JPT1: variants seen among roughly 807,000 people sequenced by gnomAD.
JPT1 encodes Jupiter microtubule associated homolog 1.
A neutral mutation model predicts 17.0 loss-of-function variants in JPT1; 5 were observed. That is an observed-to-expected ratio of 0.29 (90% CI 0.15 to 0.62). The LOEUF is 0.62. Among genes scored for constraint, JPT1 ranks in the 20% least tolerant of loss-of-function variants. The pLI is 0.85. For synonymous variants in JPT1, 71 were observed against 73.6 expected, an observed-to-expected ratio of 0.96 and a Z score of 0.18; for missense variants, 158 against 188.1, an observed-to-expected ratio of 0.84 and a Z score of 0.94.
rs752534871 is a variant in JPT1, at chr17:75,136,289, A to G, written c.317-39T>C. The stretch of plus-strand genomic sequence containing the variant: ...GAATAGAAATAATACTCATAATGAC[A>G]GCCATTTCCTGTTAAGATCAAGGAT... On this transcript the variant is annotated intron_variant, in intron 4 of 4. Transcript: ENST00000409753. The G allele has an allele frequency of 2.0e-6, 3 of 1,505,660 alleles. No homozygotes were observed. The East Asian group carries it at 6.8e-5, about 34-fold the overall frequency. 93.3% of individuals were successfully genotyped at this position (1,505,660 alleles called of 1,614,324 possible).
intron 1 of JPT1, among the ~76,000 whole-genome samples, chr17:75,151,971 A>G (rs2074561615): frequency 6.8e-6 from 1 of 147,160 alleles, no homozygotes; most frequent in African/African-American, 2.5e-5. Flanking sequence ...CTGCGTCTCA[A>G]AAAAAAAAAA....
intron 4 of JPT1, chr17:75,142,675 C>T (rs144765574): frequency 2.3e-5 from 7 of 299,584 alleles, no homozygotes; most frequent in South Asian, 1.1e-4. Flanking sequence ...AGGAAGGGAA[C>T]GGGAAGGGAT....
At chr17:75,154,244 G>C in intron 1 of JPT1, 98 bp downstream of exon 1, 2 of 977,440 alleles carry the variant, frequency 2.0e-6, no homozygotes, top group Non-Finnish European at 2.8e-6. Flanking sequence ...ACAGCGCACG[G>C]GGCTCGTTAC....
intron 4 of JPT1, chr17:75,142,615 G>T: frequency 4.6e-6 from 1 of 218,744 alleles, no homozygotes; most frequent in South Asian, 2.3e-5. Context: ...AAGGGGGAGA[G>T]AGGAGGGGAG....
chr17:75,148,629 A>G lies in JPT1; in HGVS notation c.99T>C (p.Gly33=). The stretch of plus-strand genomic sequence containing the variant: ...CAGGTTGTTCTGTTGGTTCATCAAA[A>G]CCTAATGAAAAATTGGATCCACCAC... ...PPGGGSNFSL[G]FDEPTEQPVR... is the part of the protein sequence containing the mutation. The change falls in exon 2 of 5, where the codon GGT becomes GGC. Residue 33 remains glycine, a synonymous_variant. Coordinates refer to ENST00000409753, the MANE Select transcript of JPT1 (RefSeq NM_016185.4). 1 of 1,614,092 alleles carries G rather than the reference A, an allele frequency of 6.2e-7. No homozygotes were observed.
chr17:75,144,173 A>AT (rs1189545995), intron 4 of JPT1, among the ~76,000 whole-genome samples: 1 of 152,114 alleles, frequency 6.6e-6, no homozygotes, highest in African/African-American at 2.4e-5. Flanking sequence ...GGACCTTTCC[A>AT]TACCAGGCCC....
intron 1 of JPT1, among the ~76,000 whole-genome samples, chr17:75,152,589 A>C (rs1469779474): frequency 6.6e-6 from 1 of 152,220 alleles, no homozygotes; most frequent in East Asian, 1.9e-4. Context: ...CTCACATTTC[A>C]AATGTACACA....
chr17:75,149,246 C>T, intron 1 of JPT1: 1 of 360,730 alleles, frequency 2.8e-6, no homozygotes, highest in Non-Finnish European at 5.5e-6. Flanking sequence ...GTCCCAGCTA[C>T]ACTGGACTCT....
intron 4 of JPT1, among the ~76,000 whole-genome samples, chr17:75,140,069 C>T (rs1251806303): frequency 6.6e-6 from 1 of 152,082 alleles, no homozygotes; most frequent in Non-Finnish European, 1.5e-5. Context: ...AGGCGCGTGC[C>T]ACCACGCCTG....
At chr17:75,147,878 A>C in intron 2 of JPT1, 3 of 470,436 alleles carry the variant, frequency 6.4e-6, no homozygotes, top group Non-Finnish European at 1.2e-5. Context: ...GCATGCTTGT[A>C]ATCCTAGCTA....
At chr17:75,147,931 G>A (rs1165642692) in intron 2 of JPT1, 1 of 379,302 alleles carries the variant, frequency 2.6e-6, no homozygotes, top group African/African-American at 2.0e-5. Flanking sequence ...CTCGGGAGGT[G>A]GAGGTTGTGG....
intron 3 of JPT1, 113 bp from the exon 4 acceptor site, chr17:75,146,797 T>A: frequency 1.4e-6 from 1 of 703,304 alleles, no homozygotes; most frequent in East Asian, 2.7e-5. Flanking sequence ...GACATTTCAT[T>A]GTGTTGCAAT....
intron 4 of JPT1, among the ~76,000 whole-genome samples, chr17:75,140,617 ATCTT>A (rs2145165954): frequency 6.6e-6 from 1 of 152,320 alleles, no homozygotes; most frequent in Admixed American, 6.5e-5. Context: ...AAGGGAATCT[ATCTT>A]ATTTAAACTG....
At chr17:75,138,407 T>A (rs2074248058) in intron 4 of JPT1, 1 of 144,814 alleles carries the variant, frequency 6.9e-6, no homozygotes, top group Admixed American at 7.3e-5. Flanking sequence ...CCTATATTAA[T>A]GGATTTTTTT....
intron 4 of JPT1, among the ~76,000 whole-genome samples, chr17:75,138,811 A>G (rs1318553888): frequency 5.3e-5 from 8 of 152,210 alleles, no homozygotes; most frequent in Non-Finnish European, 1.5e-5. Context: ...TTCTCATTGG[A>G]CAGACATTTA....
rs561721939 is a variant in JPT1, at chr17:75,142,083, T to C, written c.316+4583A>G. Among the ~76,000 whole-genome samples, 6 of 151,850 alleles carry C rather than the reference T, an allele frequency of 4.0e-5. No individual in the cohort carries two copies. In the South Asian group the frequency reaches 1.0e-3, roughly 26 times the overall value. On this transcript the variant is annotated intron_variant, in intron 4 of 4. Transcript: ENST00000409753. ...GGCTCTGTCTCGAAAAAACAAAAAC[T>C]GTGAAGGGGACTGAAAAGGGAACAG...
chr17:75,147,484 T>G (rs1441658251), intron 3 of JPT1, 72 bp downstream of exon 3: 2 of 1,071,706 alleles, frequency 1.9e-6, no homozygotes, highest in Non-Finnish European at 2.9e-6. Flanking sequence ...GTGGGTGAAC[T>G]GAAACTCTTA....
At chr17:75,137,528 G>T (rs868467259) in intron 4 of JPT1, among the ~76,000 whole-genome samples, 6,309 of 133,064 alleles carry the variant, frequency 0.047, 191 homozygotes, top group Non-Finnish European at 0.057. Flanking sequence ...GGCTATTTTT[G>T]TTTTTTTTTT....
At chr17:75,137,754 TCTC>T (rs1020226769) in intron 4 of JPT1, among the ~76,000 whole-genome samples, 3 of 143,080 alleles carry the variant, frequency 2.1e-5, no homozygotes, top group Non-Finnish European at 3.0e-5. Context: ...TTCAAGCAAT[TCTC>T]CTGCCTCAGC....
Sources: gnomAD v4.1 joint callset for allele counts (sites outside exome capture counted in the v4.1 genomes callset) on GRCh38, gnomAD v4.1.1 for gene constraint, MANE v1.5 for transcripts, NCBI Gene and HGNC (gene_info 2026-07-23, HGNC 2026-07-21) for gene names.